Variants in TACC1 observed in about 807,000 individuals in gnomAD.
TACC1 encodes the protein transforming acidic coiled-coil containing protein 1, also known as transforming acidic coiled-coil-containing protein 1.
In TACC1, 48 loss-of-function variants were observed where a neutral mutation model predicts 84.4. That is an observed-to-expected ratio of 0.57 (90% CI 0.45 to 0.72). The LOEUF is 0.72. TACC1 is among the 30% of genes least tolerant of loss of function. The pLI, the probability that TACC1 is intolerant of heterozygous loss-of-function variation, is 0.00. For synonymous variants in TACC1, 372 were observed against 376.3 expected (o/e 0.99, Z 0.13); for missense variants, 920 against 973.0 (o/e 0.95, Z 0.72).
chr8:38,790,760 T>C (rs925086679), intron 2 of TACC1, among the ~76,000 whole-genome samples: 3 of 152,230 alleles, frequency 2.0e-5, no homozygotes, highest in Non-Finnish European at 4.4e-5. Context: ...TTGCTTTAAA[T>C]TGATAGCTCC....
chr8:38,774,106 A>G (rs572504269), intron 3 of TACC1, among the ~76,000 whole-genome samples: 1 of 152,130 alleles, frequency 6.6e-6, no homozygotes, highest in South Asian at 2.1e-4. Flanking sequence ...TTCTGTCCTT[A>G]GTGTCTTGAT....
In TACC1 at chr8:38,846,691, A is replaced by G. The variant is rs375006968; in HGVS notation, c.2229-8A>G. On this transcript the variant is annotated splice_polypyrimidine_tract_variant and splice_region_variant and intron_variant, in intron 11 of 12. Coordinates refer to ENST00000317827, the MANE Select transcript of TACC1 (RefSeq NM_006283.3). Reference sequence around the variant, plus strand: ...TGTCTCTTTATTACACCCAAACACCATAAACAGAGCCAATGAAGAGATTGC... The same window carrying G: ...TGTCTCTTTATTACACCCAAACACCGTAAACAGAGCCAATGAAGAGATTGC... The G allele has an allele frequency of 2.5e-6, 4 of 1,614,026 alleles. No homozygotes were observed. In the African/African-American group the frequency reaches 5.3e-5, roughly 22 times the overall value.
intron 1 of TACC1, among the ~76,000 whole-genome samples, chr8:38,738,567 T>C (rs981011181): frequency 6.6e-6 from 1 of 152,212 alleles, no homozygotes; most frequent in African/African-American, 2.4e-5. Context: ...CTCAAATTGT[T>C]CCAGCTTCGC....
chr8:38,843,137 AC>A, intron 10 of TACC1, 151 bp from the exon 11 acceptor site: 1 of 485,218 alleles, frequency 2.1e-6, no homozygotes, highest in East Asian at 3.2e-5. Flanking sequence ...AGTGAGAATT[AC>A]ATGTGGCTAT....
chr8:38,807,890 C>A (rs1823135574), intron 2 of TACC1, among the ~76,000 whole-genome samples: 1 of 152,196 alleles, frequency 6.6e-6, no homozygotes, highest in African/African-American at 2.4e-5. Flanking sequence ...CTTTTTACTG[C>A]AAATAGTCTT....
upstream of TACC1, chr8:38,787,197 C>T: frequency 6.1e-6 from 6 of 988,352 alleles, no homozygotes; most frequent in South Asian, 2.3e-4. Context: ...GGCGCGGCTC[C>T]GGCGGCAGCT....
intron 9 of TACC1, among the ~76,000 whole-genome samples, chr8:38,840,981 G>A (rs1474774063): frequency 2.0e-5 from 3 of 152,124 alleles, no homozygotes; most frequent in Non-Finnish European, 2.9e-5. Flanking sequence ...CCTGGGAGGC[G>A]GAAGTTATGG....
At chr8:38,822,286 A>C (rs1404843879) in intron 3 of TACC1, among the ~76,000 whole-genome samples, 1 of 151,668 alleles carries the variant, frequency 6.6e-6, no homozygotes, top group East Asian at 1.9e-4. Flanking sequence ...GCAGTGTAAC[A>C]CAATGGTAAG....
chr8:38,787,158 G>A (rs1460067617), upstream of TACC1: 7 of 984,312 alleles, frequency 7.1e-6, no homozygotes, highest in Non-Finnish European at 8.4e-6. Flanking sequence ...GCGCGCGCGA[G>A]TAGTACGGTC....
At chr8:38,745,271 A>G (rs746059231) in exon 3 of TACC1, 3 of 491,018 alleles carry the variant, frequency 6.1e-6, no homozygotes, top group South Asian at 3.0e-5. Flanking sequence ...CAGAGCTCGC[A>G]GTTCAGGCCC....
At chr8:38,779,885 G>C (rs1035905137) in intron 3 of TACC1, among the ~76,000 whole-genome samples, 4 of 152,194 alleles carry the variant, frequency 2.6e-5, no homozygotes, top group Admixed American at 2.6e-4. Flanking sequence ...TAAATGAGAC[G>C]ATTCATGTAA....
At chr8:38,782,915 TCAA>T (rs913203891), upstream of TACC1, among the ~76,000 whole-genome samples, 6 of 152,150 alleles carry the variant, frequency 3.9e-5, no homozygotes, top group Non-Finnish European at 7.4e-5. Flanking sequence ...TCTTTTGCAC[TCAA>T]CAACTGCTTC....
rs753091425 is a variant in TACC1, at chr8:38,846,825, G to C, written c.2349+6G>C. 1.4e-5 allele frequency: 23 copies of C among 1,614,104 alleles called. No individual in the cohort carries two copies. In the South Asian group the frequency reaches 1.9e-4, roughly 13 times the overall value. ...AAAGGGCCCTGCAGCAGAAGGTACAGAAAGGGACCTGATCTGGGTGGCCAC... is the reference window on the plus strand; with the variant it reads ...AAAGGGCCCTGCAGCAGAAGGTACACAAAGGGACCTGATCTGGGTGGCCAC... On this transcript the variant is annotated splice_donor_region_variant and intron_variant, in intron 12 of 12. Transcript: ENST00000317827.
chr8:38,773,482 T>A (rs1814086517), intron 3 of TACC1, among the ~76,000 whole-genome samples: 1 of 149,852 alleles, frequency 6.7e-6, no homozygotes, highest in African/African-American at 2.4e-5. Context: ...CACTGGTAAA[T>A]ATTAATAAAA....
At chr8:38,735,321 A>G (rs1009297799) in intron 1 of TACC1, among the ~76,000 whole-genome samples, 1 of 151,998 alleles carries the variant, frequency 6.6e-6, no homozygotes, top group African/African-American at 2.4e-5. Flanking sequence ...TTGTGTGGAG[A>G]GTCTTGAGAG....
rs1227238065 is a variant in TACC1 at position 38,849,633 on chromosome 8, A to C, written c.*1610A>C. The C allele has an allele frequency of 6.6e-6, 1 of 152,408 alleles. No individual in the cohort carries two copies. Among genetic ancestry groups the C allele is most frequent in the East Asian group, 1.9e-4 (1 of 5,198 alleles). 9.4% of individuals were successfully genotyped at this position (152,408 alleles called of 1,614,324 possible). ...GCAGTGTATTACTCACATGGGTGCA[A>C]TCTTTAGCCCCAGGGAGGTCAATAA... On this transcript the variant is annotated 3_prime_UTR_variant, in exon 13 of 13. Transcript: ENST00000317827.
rs1291765228 is a variant in TACC1, at chr8:38,849,541, C to T, written c.*1518C>T. ...TCTCTTGTAAAACTGTTGCATGATC[C>T]AACTTCAGCAATGAATTGTGCCTAG... On this transcript the variant is annotated 3_prime_UTR_variant, in exon 13 of 13. Transcript: ENST00000317827. 6.6e-6 allele frequency: 1 copy of T among 152,166 alleles called. No individual in the cohort carries two copies. The allele number at this position is 152,166 out of a possible 1,614,324, so 9.4% of individuals were successfully genotyped here. A position where few individuals can be genotyped will look rare whatever the true frequency, so the allele number is the denominator to read the frequency against.
intron 2 of TACC1, among the ~76,000 whole-genome samples, chr8:38,814,758 T>C (rs921422714): frequency 7.2e-5 from 11 of 152,174 alleles, no homozygotes; most frequent in Non-Finnish European, 2.9e-5. Flanking sequence ...GAATCACCTC[T>C]CTATAGACAG....
intron 9 of TACC1, among the ~76,000 whole-genome samples, chr8:38,841,243 G>A (rs961975889): frequency 9.2e-5 from 14 of 152,102 alleles, no homozygotes; most frequent in Non-Finnish European, 1.9e-4. Flanking sequence ...TTTGGCTCAC[G>A]TCTGAACAGA....
Sources: allele counts gnomAD v4.1 joint callset (sites outside exome capture counted in the v4.1 genomes callset), GRCh38; gene constraint gnomAD v4.1.1; transcripts MANE v1.5; gene names NCBI Gene and HGNC (gene_info 2026-07-23, HGNC 2026-07-21).